STXBP4: variants seen among roughly 807,000 people sequenced by gnomAD.
STXBP4 encodes the protein syntaxin binding protein 4.
STXBP4 carries 55 observed loss-of-function variants against 76.1 expected under a neutral mutation model. The observed-to-expected ratio is 0.72, with a 90% CI of 0.58 to 0.91. STXBP4 has a LOEUF of 0.91. STXBP4 is among the 40% of genes least tolerant of loss of function. STXBP4 has a pLI of 0.00. For synonymous variants in STXBP4, 201 were observed against 220.2 expected (o/e 0.91, Z 0.77); for missense variants, 618 against 636.9 (o/e 0.97, Z 0.32).
chr17:55,012,540 G>T (rs2078133591), intron 8 of STXBP4, among the ~76,000 whole-genome samples: 1 of 152,072 alleles, frequency 6.6e-6, no homozygotes. Flanking sequence ...TTCCTGATGT[G>T]TGATAGGTGT....
chr17:54,982,507 A>G (rs879923428), intron 1 of STXBP4, among the ~76,000 whole-genome samples: 59 of 151,936 alleles, frequency 3.9e-4, no homozygotes, highest in Non-Finnish European at 1.3e-4. Flanking sequence ...ATAACAATAT[A>G]TTTGTCTTCA....
chr17:55,080,917 G>T, intron 15 of STXBP4, 133 bp from the exon 16 acceptor site: 2 of 740,004 alleles, frequency 2.7e-6, no homozygotes, highest in Non-Finnish European at 3.8e-6. Context: ...CTTCAATTTT[G>T]GTTATATGAA....
chr17:55,168,912 A>G lies in STXBP4; in HGVS notation c.*9001A>G, dbSNP rs1389202630. On this transcript the variant is annotated 3_prime_UTR_variant, in exon 18 of 18. Coordinates refer to ENST00000376352, the MANE Select transcript of STXBP4 (RefSeq NM_178509.6). Reference sequence around the variant, plus strand: ...AAATTTTAGATAACAATCAGGATTCATACTCTTCTCAATAGTCCTTAAATG... The same window carrying G: ...AAATTTTAGATAACAATCAGGATTCGTACTCTTCTCAATAGTCCTTAAATG... 1 of 152,228 alleles carries G rather than the reference A, an allele frequency of 6.6e-6. No individual in the cohort carries two copies. 9.4% of individuals were successfully genotyped at this position (152,228 alleles called of 1,614,324 possible).
chr17:54,990,157 ATTG>A (rs2077691964), intron 3 of STXBP4, among the ~76,000 whole-genome samples: 1 of 152,208 alleles, frequency 6.6e-6, no homozygotes, highest in East Asian at 1.9e-4. Context: ...AACTCATTTA[ATTG>A]TTGTTATGTC....
the STXBP4 span, among the ~76,000 whole-genome samples, chr17:55,211,799 G>GTTTTTTTTTTT: frequency 7.2e-3 from 353 of 48,926 alleles, 34 homozygotes; most frequent in Non-Finnish European, 8.3e-3. Flanking sequence ...GTTTTTTGTT[G>GTTTTTTTTTTT]TTTTTTTTTT....
At chr17:55,096,434 A>G (rs1377367013) in intron 16 of STXBP4, among the ~76,000 whole-genome samples, 1 of 152,200 alleles carries the variant, frequency 6.6e-6, no homozygotes, top group Non-Finnish European at 1.5e-5. Context: ...AATATACCTC[A>G]TCTTACCTAA....
chr17:55,054,945 A>T (rs1327190798), intron 12 of STXBP4, among the ~76,000 whole-genome samples: 1 of 152,140 alleles, frequency 6.6e-6, no homozygotes, highest in Non-Finnish European at 1.5e-5. Flanking sequence ...CATGGCATAA[A>T]AGGGGAAATT....
intron 17 of STXBP4, among the ~76,000 whole-genome samples, chr17:55,147,523 T>G (rs1250216165): frequency 6.6e-6 from 1 of 152,232 alleles, no homozygotes; most frequent in Non-Finnish European, 1.5e-5. Flanking sequence ...CAAATACATG[T>G]AATCACTTGC....
At chr17:55,022,349 A>G (rs1174079101) in intron 8 of STXBP4, among the ~76,000 whole-genome samples, 2 of 151,724 alleles carry the variant, frequency 1.3e-5, no homozygotes, top group African/African-American at 2.4e-5. Context: ...TCTCATGGCA[A>G]TGAAGGAGGT....
intron 16 of STXBP4, among the ~76,000 whole-genome samples, chr17:55,094,609 A>G (rs1057122031): frequency 6.6e-6 from 1 of 152,200 alleles, no homozygotes; most frequent in African/African-American, 2.4e-5. Context: ...TGTTTCAATG[A>G]GTAAAAAAAA....
the STXBP4 span, among the ~76,000 whole-genome samples, chr17:55,191,331 C>T: frequency 2.0e-5 from 3 of 152,212 alleles, no homozygotes; most frequent in Admixed American, 1.3e-4. Flanking sequence ...TTCATAAGTC[C>T]GGGGTGGGAC....
chr17:54,974,721 T>G (rs982974734), intron 1 of STXBP4, among the ~76,000 whole-genome samples: 2 of 152,210 alleles, frequency 1.3e-5, no homozygotes, highest in Non-Finnish European at 2.9e-5. Context: ...GCTGGTGGTG[T>G]TAAACAGCAA....
chr17:55,088,504 T>C (rs1411177887), intron 16 of STXBP4, among the ~76,000 whole-genome samples: 1 of 152,132 alleles, frequency 6.6e-6, no homozygotes, highest in Non-Finnish European at 1.5e-5. Context: ...CAAGCAATTC[T>C]CCTTGCCTCA....
chr17:55,046,279 A>G (rs2078786786), intron 11 of STXBP4, among the ~76,000 whole-genome samples: 1 of 152,010 alleles, frequency 6.6e-6, no homozygotes, highest in African/African-American at 2.4e-5. Flanking sequence ...AGATTGCCAT[A>G]TTATATTCAT....
At chr17:55,153,603 GTTAA>G (rs1383424408) in intron 17 of STXBP4, among the ~76,000 whole-genome samples, 10 of 152,260 alleles carry the variant, frequency 6.6e-5, no homozygotes, top group African/African-American at 1.7e-4. Context: ...TTTTAAATTT[GTTAA>G]TTAAGAAGAA....
Position 55,162,214 on chromosome 17 carries a change from G to A in STXBP4, c.*2303G>A, listed in dbSNP as rs887098079. 1 of 152,192 alleles carries A rather than the reference G, an allele frequency of 6.6e-6. No individual in the cohort carries two copies. Among genetic ancestry groups the A allele is most frequent in the African/African-American group, 2.4e-5 (1 of 41,442 alleles). 9.4% of individuals were successfully genotyped at this position (152,192 alleles called of 1,614,324 possible). A position where few individuals can be genotyped will look rare whatever the true frequency, so the allele number is the denominator to read the frequency against. ...CTAAACCATCAGGTCGGTGCCATAA[G>A]AGATGCTCAAAAAAGCATGGTCAGG... On this transcript the variant is annotated 3_prime_UTR_variant, in exon 18 of 18. Transcript: ENST00000376352.
At chr17:55,030,298 C>T (rs973200926) in intron 8 of STXBP4, among the ~76,000 whole-genome samples, 40 of 152,150 alleles carry the variant, frequency 2.6e-4, no homozygotes, top group Admixed American at 2.6e-3. Flanking sequence ...ATCAGTTCCT[C>T]TTTCTTTCCT....
chr17:55,083,056 G>A (rs1317199856), intron 16 of STXBP4, among the ~76,000 whole-genome samples: 5 of 150,728 alleles, frequency 3.3e-5, no homozygotes, highest in Non-Finnish European at 5.9e-5. Context: ...CCTCCTCCCC[G>A]ATCCCCCATC....
At chr17:55,212,978 C>A in the STXBP4 span, among the ~76,000 whole-genome samples, 1 of 152,114 alleles carries the variant, frequency 6.6e-6, no homozygotes, top group Non-Finnish European at 1.5e-5. Flanking sequence ...CTTCTCAAGT[C>A]AAGTGAAAGT....
Sources: allele counts gnomAD v4.1 joint callset (sites outside exome capture counted in the v4.1 genomes callset), GRCh38; gene constraint gnomAD v4.1.1; transcripts MANE v1.5; gene names NCBI Gene and HGNC (gene_info 2026-07-23, HGNC 2026-07-21).